Variants in ERC2 observed in about 807,000 individuals in gnomAD.
ERC2 encodes ELKS/RAB6-interacting/CAST family member 2.
Under a neutral mutation model 114.8 loss-of-function variants are expected in ERC2, and 42 were observed. The ratio of observed to expected loss-of-function variants is 0.37; its 90% CI spans 0.29 to 0.47. ERC2 has a LOEUF of 0.47. ERC2 is among the 20% of genes least tolerant of loss of function. The probability of loss-of-function intolerance (pLI) is 0.99; values close to 1 mark genes in which losing one functional copy is unlikely to be tolerated. For synonymous variants in ERC2, 454 were observed against 425.5 expected, an observed-to-expected ratio of 1.07 and a Z score of -0.82; for missense variants, 939 against 1,150.7, an observed-to-expected ratio of 0.82 and a Z score of 2.66.
intron 6 of ERC2, among the ~76,000 whole-genome samples, chr3:56,089,615 A>G (rs1015710588): frequency 2.6e-5 from 4 of 151,954 alleles, no homozygotes; most frequent in African/African-American, 7.3e-5. Flanking sequence ...GCACATCTCA[A>G]TGAGGATTAG....
intron 14 of ERC2, among the ~76,000 whole-genome samples, chr3:55,783,491 T>C (rs890562867): frequency 3.9e-5 from 6 of 152,220 alleles, no homozygotes; most frequent in Non-Finnish European, 5.9e-5. Flanking sequence ...TAGCACTGAA[T>C]TGATTCAATC....
chr3:55,532,820 T>G (rs911357621), intron 17 of ERC2, among the ~76,000 whole-genome samples: 47 of 152,212 alleles, frequency 3.1e-4, no homozygotes, highest in South Asian at 2.1e-4. Flanking sequence ...ACTTTTACAT[T>G]TATTCCAAAA....
intron 13 of ERC2, among the ~76,000 whole-genome samples, chr3:55,929,125 C>T (rs915803345): frequency 6.6e-6 from 1 of 152,096 alleles, no homozygotes; most frequent in African/African-American, 2.4e-5. Context: ...CCAGTTTGAA[C>T]CTTCTCTCAA....
chr3:55,956,460 T>C (rs891652879), intron 12 of ERC2, among the ~76,000 whole-genome samples: 3 of 152,052 alleles, frequency 2.0e-5, no homozygotes, highest in African/African-American at 7.3e-5. Context: ...TTTTTGAAGC[T>C]TGTAAATACC....
intron 17 of ERC2, among the ~76,000 whole-genome samples, chr3:55,655,568 C>G (rs11713459): frequency 0.016 from 2,450 of 152,318 alleles, 21 homozygotes; most frequent in Non-Finnish European, 0.026. Context: ...GGGGCTGAAG[C>G]TGACTTGTGA....
intron 12 of ERC2, among the ~76,000 whole-genome samples, chr3:55,966,368 A>G (rs1465022799): frequency 1.3e-5 from 2 of 152,110 alleles, no homozygotes; most frequent in African/African-American, 4.8e-5. Context: ...TAGAGCTCCC[A>G]GGGGCAGGGT....
chr3:55,620,359 GT>G (rs1164806938), intron 17 of ERC2, among the ~76,000 whole-genome samples: 1 of 152,142 alleles, frequency 6.6e-6, no homozygotes, highest in East Asian at 1.9e-4. Context: ...GATGTGTGGG[GT>G]TTTTAGATGT....
At chr3:55,730,997 T>C (rs900569443) in intron 15 of ERC2, among the ~76,000 whole-genome samples, 3 of 152,224 alleles carry the variant, frequency 2.0e-5, no homozygotes, top group South Asian at 2.1e-4. Flanking sequence ...AAGTCAGCCA[T>C]GCAGGTCAAG....
At chr3:56,395,675 G>C (rs1400483392) in intron 2 of ERC2, among the ~76,000 whole-genome samples, 1 of 152,140 alleles carries the variant, frequency 6.6e-6, no homozygotes, top group African/African-American at 2.4e-5. Flanking sequence ...AGTTCCCTGA[G>C]GCTTCACCAG....
intron 14 of ERC2, among the ~76,000 whole-genome samples, chr3:55,815,710 G>A (rs972245869): frequency 3.9e-5 from 6 of 152,196 alleles, no homozygotes; most frequent in African/African-American, 1.2e-4. Context: ...CGTTATGGCG[G>A]CAATAGAAAA....
At chr3:55,663,558 C>A (rs1248778659) in intron 17 of ERC2, among the ~76,000 whole-genome samples, 1 of 152,302 alleles carries the variant, frequency 6.6e-6, no homozygotes, top group Non-Finnish European at 1.5e-5. Flanking sequence ...CCCCAGCCCC[C>A]ACCTCGTCTG....
At chr3:56,369,866 G>A (rs1576628619) in intron 2 of ERC2, among the ~76,000 whole-genome samples, 4 of 151,918 alleles carry the variant, frequency 2.6e-5, no homozygotes, top group Non-Finnish European at 2.9e-5. Context: ...TAGTAGAGAC[G>A]GGGTTTCACC....
intron 17 of ERC2, among the ~76,000 whole-genome samples, chr3:55,675,299 A>G (rs2061735189): frequency 6.6e-6 from 1 of 152,240 alleles, no homozygotes. Context: ...TTGCAGTAAG[A>G]GTTTCATAAG....
At chr3:55,849,233 G>C (rs2061480326) in intron 14 of ERC2, among the ~76,000 whole-genome samples, 1 of 151,420 alleles carries the variant, frequency 6.6e-6, no homozygotes, top group Admixed American at 6.6e-5. Context: ...AGATTCTTTT[G>C]ACTGATCTGT....
chr3:56,119,327 T>C (rs978575790), intron 6 of ERC2, among the ~76,000 whole-genome samples: 3 of 152,216 alleles, frequency 2.0e-5, no homozygotes, highest in Non-Finnish European at 4.4e-5. Context: ...GAATATTTGT[T>C]AAAATGGGAT....
At chr3:56,315,862 A>T (rs1179802791) in intron 2 of ERC2, among the ~76,000 whole-genome samples, 2 of 152,088 alleles carry the variant, frequency 1.3e-5, no homozygotes, top group Non-Finnish European at 1.5e-5. Flanking sequence ...TCCCAACAGG[A>T]AAGTATAGAA....
intron 2 of ERC2, among the ~76,000 whole-genome samples, chr3:56,421,553 G>A (rs2061389132): frequency 6.6e-6 from 1 of 152,214 alleles, no homozygotes; most frequent in African/African-American, 2.4e-5. Flanking sequence ...GCTGTCCCTG[G>A]TGAGCACTTG....
At chr3:56,384,708 T>A (rs553673331) in intron 2 of ERC2, among the ~76,000 whole-genome samples, 2 of 152,282 alleles carry the variant, frequency 1.3e-5, no homozygotes, top group African/African-American at 4.8e-5. Flanking sequence ...TTTGATGTAG[T>A]TCAATTTAAC....
At chr3:55,601,694 C>T (rs1053978950) in intron 17 of ERC2, among the ~76,000 whole-genome samples, 3 of 152,126 alleles carry the variant, frequency 2.0e-5, no homozygotes, top group East Asian at 1.9e-4. Flanking sequence ...GAGCCGGGTG[C>T]GGTGGTTTAT....
Sources: allele counts gnomAD v4.1 joint callset (sites outside exome capture counted in the v4.1 genomes callset), GRCh38; gene constraint gnomAD v4.1.1; transcripts MANE v1.5; gene names NCBI Gene and HGNC (gene_info 2026-07-23, HGNC 2026-07-21).